The following DSCAM variants were observed in gnomAD, a reference collection of about 807,000 sequenced individuals.
DSCAM encodes the protein DS cell adhesion molecule, also known as cell adhesion molecule DSCAM.
Under a neutral mutation model 217.7 loss-of-function variants are expected in DSCAM, and 47 were observed. The ratio of observed to expected loss-of-function variants is 0.22; its 90% CI spans 0.17 to 0.28. The LOEUF (loss-of-function observed/expected upper bound fraction) is 0.28. Ranked by LOEUF, DSCAM falls within the 10% of genes least tolerant of loss-of-function variation. The pLI, the probability that DSCAM is intolerant of heterozygous loss-of-function variation, is 1.00. For missense variants in DSCAM, 2,080 were observed against 2,618.3 expected (o/e 0.79, Z 4.49); for synonymous variants, 1,056 against 1,015.3 (o/e 1.04, Z -0.76).
At chr21:40,810,122 G>C (rs913520086) in intron 1 of DSCAM, among the ~76,000 whole-genome samples, 1 of 152,192 alleles carries the variant, frequency 6.6e-6, no homozygotes, top group Non-Finnish European at 1.5e-5. Context: ...ACAAAGAAGA[G>C]GGCTGGAGCT....
At chr21:40,054,678 A>T (rs898921160) in intron 29 of DSCAM, among the ~76,000 whole-genome samples, 1 of 152,208 alleles carries the variant, frequency 6.6e-6, no homozygotes, top group Non-Finnish European at 1.5e-5. Flanking sequence ...ATGGGCACTC[A>T]AAAGCTTGGA....
intron 1 of DSCAM, among the ~76,000 whole-genome samples, chr21:40,742,870 A>G (rs1331924471): frequency 6.6e-6 from 1 of 152,146 alleles, no homozygotes; most frequent in Non-Finnish European, 1.5e-5. Context: ...CTTTTAATTA[A>G]CATTTTCATC....
rs139494968 is a variant in DSCAM, at chr21:40,708,614, G to A, written c.201C>T (p.Tyr67=). The change falls in exon 2 of 33, where the codon TAC becomes TAT. Residue 67 remains tyrosine (Y), a synonymous_variant. Transcript: ENST00000400454. ...RWYLATGEEI[Y]DVPGIRHVHP... is the part of the protein sequence containing the mutation. ...GGACGTGGCGGATCCCGGGGACATC[G>A]TAGATCTCCTCGCCCGTGGCTAGGT... 32 of 1,612,414 alleles carry A rather than the reference G, an allele frequency of 2.0e-5. No homozygotes were observed. Among genetic ancestry groups the A allele is most frequent in the Admixed American group, 1.2e-4 (7 of 59,768 alleles).
intron 11 of DSCAM, among the ~76,000 whole-genome samples, chr21:40,208,180 T>C (rs998234000): frequency 4.6e-5 from 7 of 152,178 alleles, no homozygotes; most frequent in African/African-American, 1.4e-4. Context: ...TGGCCAGGCA[T>C]GGTGGCTCTT....
intron 3 of DSCAM, among the ~76,000 whole-genome samples, chr21:40,577,976 C>T (rs1568917435): frequency 2.0e-5 from 3 of 152,100 alleles, no homozygotes; most frequent in South Asian, 4.1e-4. Flanking sequence ...GTCAAAGAGC[C>T]AAGATGGAGT....
At chr21:40,425,572 G>T (rs577392429) in intron 3 of DSCAM, among the ~76,000 whole-genome samples, 23 of 147,814 alleles carry the variant, frequency 1.6e-4, no homozygotes, top group African/African-American at 5.0e-4. Context: ...TTAGCTGGGC[G>T]TGGTGGCGGG....
chr21:40,771,951 TTTTA>T (rs2091448686), intron 1 of DSCAM, among the ~76,000 whole-genome samples: 1 of 152,222 alleles, frequency 6.6e-6, no homozygotes, highest in Admixed American at 6.5e-5. Flanking sequence ...TTTATGCGAA[TTTTA>T]TTATTTCATA....
intron 3 of DSCAM, among the ~76,000 whole-genome samples, chr21:40,510,238 T>A (rs538160726): frequency 6.6e-6 from 1 of 152,100 alleles, no homozygotes; most frequent in Non-Finnish European, 1.5e-5. Flanking sequence ...ATAAACACTA[T>A]ATAGGCTAGG....
At chr21:40,315,184 A>C (rs2074182065) in intron 8 of DSCAM, among the ~76,000 whole-genome samples, 1 of 152,148 alleles carries the variant, frequency 6.6e-6, no homozygotes, top group South Asian at 2.1e-4. Flanking sequence ...AAATCACCAG[A>C]GGTCAGGAGT....
chr21:40,772,304 G>T (rs938589273), intron 1 of DSCAM, among the ~76,000 whole-genome samples: 2 of 152,124 alleles, frequency 1.3e-5, no homozygotes, highest in African/African-American at 4.8e-5. Context: ...GAGTAGCTGG[G>T]ATTACAGGCA....
At chr21:40,800,510 C>T (rs1371360002) in intron 1 of DSCAM, among the ~76,000 whole-genome samples, 1 of 152,012 alleles carries the variant, frequency 6.6e-6, no homozygotes, top group Non-Finnish European at 1.5e-5. Context: ...AGAGATATGG[C>T]CAGTAAAGGC....
chr21:40,228,952 T>A (rs1355492163), intron 11 of DSCAM, among the ~76,000 whole-genome samples: 1 of 152,216 alleles, frequency 6.6e-6, no homozygotes, highest in Non-Finnish European at 1.5e-5. Context: ...TGTATCTCTA[T>A]TCAGCTAAAC....
chr21:40,239,986 T>C (rs908852444), intron 11 of DSCAM, among the ~76,000 whole-genome samples: 2 of 152,198 alleles, frequency 1.3e-5, no homozygotes, highest in Non-Finnish European at 1.5e-5. Flanking sequence ...CTAGATTCAC[T>C]GCACATCGCC....
At chr21:40,130,919 T>C (rs1334420005) in intron 19 of DSCAM, among the ~76,000 whole-genome samples, 2 of 142,304 alleles carry the variant, frequency 1.4e-5, no homozygotes, top group Non-Finnish European at 3.1e-5. Flanking sequence ...GGAAGACTGG[T>C]ACAGGACGTG....
chr21:40,803,925 C>T (rs926080903), intron 1 of DSCAM, among the ~76,000 whole-genome samples: 2 of 152,180 alleles, frequency 1.3e-5, no homozygotes, highest in Non-Finnish European at 2.9e-5. Flanking sequence ...CTCTCCTGCT[C>T]TACAAAATGA....
intron 20 of DSCAM, among the ~76,000 whole-genome samples, chr21:40,119,974 A>G (rs1249702138): frequency 2.0e-5 from 3 of 152,026 alleles, no homozygotes; most frequent in African/African-American, 7.3e-5. Context: ...CAGCCTGACT[A>G]TGGCTTTATT....
At chr21:40,645,745 A>T (rs1422050511) in intron 3 of DSCAM, among the ~76,000 whole-genome samples, 1 of 152,200 alleles carries the variant, frequency 6.6e-6, no homozygotes, top group Non-Finnish European at 1.5e-5. Flanking sequence ...GGTCTAAAAA[A>T]TCAAGTGGTT....
chr21:40,584,242 C>G (rs981588378), intron 3 of DSCAM, among the ~76,000 whole-genome samples: 26 of 152,288 alleles, frequency 1.7e-4, no homozygotes, highest in African/African-American at 6.3e-4. Flanking sequence ...CCTGAAGCAC[C>G]AGTAACTCCA....
intron 27 of DSCAM, among the ~76,000 whole-genome samples, chr21:40,067,657 T>C (rs983316289): frequency 2.0e-5 from 3 of 151,956 alleles, no homozygotes; most frequent in Non-Finnish European, 4.4e-5. Context: ...CCTTTTAAAC[T>C]ATCAGGGTGC....
Sources: gnomAD v4.1 joint callset for allele counts (sites outside exome capture counted in the v4.1 genomes callset) on GRCh38, gnomAD v4.1.1 for gene constraint, MANE v1.5 for transcripts, NCBI Gene and HGNC (gene_info 2026-07-23, HGNC 2026-07-21) for gene names.